PCDH9: variants seen among roughly 807,000 people sequenced by gnomAD.
PCDH9 encodes protocadherin 9.
PCDH9 carries 24 observed loss-of-function variants against 70.6 expected under a neutral mutation model. The observed-to-expected ratio is 0.34, with a 90% CI of 0.25 to 0.48. The LOEUF (loss-of-function observed/expected upper bound fraction) is 0.48, where lower values mean the gene tolerates loss of function less well. Ranked by LOEUF, PCDH9 falls within the 20% of genes least tolerant of loss-of-function variation. The pLI is 0.99. For synonymous variants in PCDH9, 562 were observed against 558.5 expected, an observed-to-expected ratio of 1.01 and a Z score of -0.09; for missense variants, 1,281 against 1,503.6, an observed-to-expected ratio of 0.85 and a Z score of 2.45.
At chr13:66,569,917 T>C (rs1471149345) in intron 4 of PCDH9, among the ~76,000 whole-genome samples, 2 of 152,236 alleles carry the variant, frequency 1.3e-5, no homozygotes, top group Non-Finnish European at 2.9e-5. Context: ...TGGTTATTTA[T>C]CCAAGAAATA....
rs549517864 is a variant in PCDH9 at position 66,416,191 on chromosome 13, G to A, written c.3341-111163C>T. On this transcript the variant is annotated intron_variant, in intron 4 of 4. Coordinates refer to ENST00000377865, the MANE Select transcript of PCDH9 (RefSeq NM_203487.3). ...GCATTCTGAATAAAGCATGACCTGA[G>A]TATTCTGAAACCATCTTCTCCTTCA... 1.8e-3 allele frequency among the ~76,000 whole-genome samples: 281 copies of A among 152,136 alleles called. 3 individuals carry two copies. The highest frequency in any genetic ancestry group is 1.3e-3 in the Non-Finnish European group (86 of 67,988).
At chr13:66,490,241 C>T (rs1280733840) in intron 4 of PCDH9, among the ~76,000 whole-genome samples, 1 of 152,130 alleles carries the variant, frequency 6.6e-6, no homozygotes, top group Non-Finnish European at 1.5e-5. Flanking sequence ...TGCTTAAGGC[C>T]ACCAGTGCCA....
At chr13:66,763,744 C>A (rs1207984474) in intron 3 of PCDH9, among the ~76,000 whole-genome samples, 1 of 151,968 alleles carries the variant, frequency 6.6e-6, no homozygotes, top group Non-Finnish European at 1.5e-5. Flanking sequence ...GTTGCCTATA[C>A]CTCAAGTTTT....
chr13:66,776,564 A>G (rs1838305184), intron 3 of PCDH9, among the ~76,000 whole-genome samples: 1 of 152,050 alleles, frequency 6.6e-6, no homozygotes, highest in African/African-American at 2.4e-5. Context: ...TAGGAATCCA[A>G]CTTACAAGGG....
intron 4 of PCDH9, among the ~76,000 whole-genome samples, chr13:66,511,678 C>T (rs1566380860): frequency 6.6e-6 from 1 of 152,014 alleles, no homozygotes; most frequent in African/African-American, 2.4e-5. Context: ...TAGTACCTTC[C>T]CTTTGGGATT....
rs1053705740 is a variant in PCDH9, at chr13:66,838,872, A to G, written c.3138+64632T>C. Among the ~76,000 whole-genome samples the G allele has an allele frequency of 7.2e-5, 11 of 152,142 alleles. 1 individual carries two copies. ...GACTTTTATTCAAAAGGGAGAAACG[A>G]TCACTTTAAAAATAATGTCACTTAT... On this transcript the variant is annotated intron_variant, in intron 3 of 4. Transcript: ENST00000377865.
chr13:67,085,962 G>C (rs1188644565), intron 2 of PCDH9, among the ~76,000 whole-genome samples: 1 of 152,084 alleles, frequency 6.6e-6, no homozygotes, highest in Non-Finnish European at 1.5e-5. Context: ...GGACGCCTCA[G>C]ACAATCCTGT....
At chr13:67,160,824 A>AT (rs1434129990) in intron 2 of PCDH9, among the ~76,000 whole-genome samples, 2 of 152,192 alleles carry the variant, frequency 1.3e-5, no homozygotes, top group Non-Finnish European at 2.9e-5. Flanking sequence ...CCTTCTGAAC[A>AT]TTTGTGTAGC....
intron 3 of PCDH9, among the ~76,000 whole-genome samples, chr13:66,756,211 T>G: frequency 6.6e-6 from 1 of 152,174 alleles, no homozygotes; most frequent in East Asian, 1.9e-4. Flanking sequence ...AGAATTACAT[T>G]TTTAAAATCA....
At chr13:66,494,741 T>G (rs537238229) in intron 4 of PCDH9, among the ~76,000 whole-genome samples, 1 of 152,204 alleles carries the variant, frequency 6.6e-6, no homozygotes, top group Admixed American at 6.5e-5. Flanking sequence ...ATAACTGACC[T>G]GGTTTCATCA....
chr13:66,655,596 G>A (rs545317778), intron 3 of PCDH9, among the ~76,000 whole-genome samples: 6 of 151,676 alleles, frequency 4.0e-5, no homozygotes, highest in Non-Finnish European at 7.4e-5. Context: ...GATTTATCAA[G>A]GGAATATATA....
Position 66,518,594 on chromosome 13 carries a change from A to T in PCDH9, c.3340+112616T>A, listed in dbSNP as rs571290977. On this transcript the variant is annotated intron_variant, in intron 4 of 4. Coordinates refer to ENST00000377865, the MANE Select transcript of PCDH9 (RefSeq NM_203487.3). ...TGATAAGCAAGGATTAAAAGGATAT[A>T]CTTTGGAAAATTCAAATATTTTGTT... 2.0e-5 allele frequency among the ~76,000 whole-genome samples: 3 copies of T among 152,282 alleles called. No homozygotes were observed. The East Asian group carries it at 5.8e-4, about 29-fold the overall frequency.
intron 4 of PCDH9, among the ~76,000 whole-genome samples, chr13:66,407,392 T>C (rs1376526251): frequency 6.6e-6 from 1 of 152,186 alleles, no homozygotes; most frequent in Non-Finnish European, 1.5e-5. Context: ...ATAGCCTTTC[T>C]TTGTTATTCT....
chr13:67,200,963 C>G (rs1173793523), intron 2 of PCDH9: 1 of 152,018 alleles, frequency 6.6e-6, no homozygotes, highest in Non-Finnish European at 1.5e-5. Context: ...AAGACCAGAG[C>G]AAAATTTCAA....
intron 2 of PCDH9, among the ~76,000 whole-genome samples, chr13:67,186,661 C>T (rs1238683382): frequency 1.3e-5 from 2 of 152,060 alleles, no homozygotes; most frequent in African/African-American, 4.8e-5. Flanking sequence ...TTATTTTCCA[C>T]TGGTAAAAAA....
At chr13:66,580,657 C>G (rs867224620) in intron 4 of PCDH9, among the ~76,000 whole-genome samples, 2 of 151,724 alleles carry the variant, frequency 1.3e-5, no homozygotes, top group Non-Finnish European at 2.9e-5. Flanking sequence ...TACTTCCCAC[C>G]ACCACCCCAC....
chr13:66,559,977 C>G (rs892665962), intron 4 of PCDH9, among the ~76,000 whole-genome samples: 1 of 151,496 alleles, frequency 6.6e-6, no homozygotes, highest in Non-Finnish European at 1.5e-5. Flanking sequence ...ATCTTATTTG[C>G]ACACTTAGGA....
At chr13:66,928,444 GCTCAGAATA>G (rs2082750637) in intron 2 of PCDH9, among the ~76,000 whole-genome samples, 1 of 152,138 alleles carries the variant, frequency 6.6e-6, no homozygotes, top group Non-Finnish European at 1.5e-5. Context: ...GAAAATGGAA[GCTCAGAATA>G]CTGAGGAAAT....
rs140276958 is a variant in PCDH9, at chr13:66,537,193, C to T, written c.3340+94017G>A. ...GATGAGAACCACTAGTTGCATTGTA[C>T]GCACTGATCATGAGCACCCCTGAGT... On this transcript the variant is annotated intron_variant, in intron 4 of 4. Transcript: ENST00000377865. Among the ~76,000 whole-genome samples the T allele has an allele frequency of 2.1e-3, 317 of 152,076 alleles. 1 individual carries two copies. The highest frequency in any genetic ancestry group is 7.4e-3 in the African/African-American group (305 of 41,490).
Sources: allele counts gnomAD v4.1 joint callset (sites outside exome capture counted in the v4.1 genomes callset), GRCh38; gene constraint gnomAD v4.1.1; transcripts MANE v1.5; gene names NCBI Gene and HGNC (gene_info 2026-07-23, HGNC 2026-07-21).